The following TRPM7 variants were observed in gnomAD, a reference collection of about 807,000 sequenced individuals.
TRPM7 encodes the protein transient receptor potential cation channel subfamily M member 7, also known as LTRPC ion channel family member 7.
In TRPM7, 134 loss-of-function variants were observed where a neutral mutation model predicts 229.7. The observed-to-expected ratio is 0.58, with a 90% CI of 0.51 to 0.67. The LOEUF (loss-of-function observed/expected upper bound fraction) is 0.67. Ranked by LOEUF, TRPM7 falls within the 30% of genes least tolerant of loss-of-function variation. The probability of loss-of-function intolerance (pLI) is 0.00; values close to 1 mark genes in which losing one functional copy is unlikely to be tolerated. For synonymous variants in TRPM7, 699 were observed against 715.2 expected (o/e 0.98, Z 0.36); for missense variants, 1,901 against 2,210.0 (o/e 0.86, Z 2.80).
intron 1 of TRPM7, among the ~76,000 whole-genome samples, chr15:50,679,514 ATATATAT>A (rs1567129202): frequency 0.095 from 8,501 of 89,474 alleles, 529 homozygotes; most frequent in Admixed American, 0.2. Flanking sequence ...TATATATAAT[ATATATAT>A]ATATATATAT....
chr15:50,651,525 G>A (rs567392258), intron 3 of TRPM7, among the ~76,000 whole-genome samples: 4 of 152,238 alleles, frequency 2.6e-5, no homozygotes, highest in African/African-American at 7.2e-5. Flanking sequence ...TGTTGGGCAC[G>A]GTGGCTCATG....
intron 31 of TRPM7, among the ~76,000 whole-genome samples, chr15:50,576,550 T>C (rs1315629655): frequency 3.9e-5 from 6 of 152,230 alleles, no homozygotes; most frequent in South Asian, 2.1e-4. Flanking sequence ...TGTACGACTA[T>C]ATAGGAGTAC....
intron 16 of TRPM7, among the ~76,000 whole-genome samples, chr15:50,612,272 G>A (rs893834625): frequency 8.9e-4 from 135 of 152,216 alleles, no homozygotes; most frequent in African/African-American, 3.2e-3. Context: ...TAAATTTCAT[G>A]TAGAGACGGG....
intron 3 of TRPM7, among the ~76,000 whole-genome samples, chr15:50,653,240 G>C (rs566966026): frequency 6.6e-6 from 1 of 152,146 alleles, no homozygotes; most frequent in Non-Finnish European, 1.5e-5. Context: ...AGCTTGAGCC[G>C]AGGACTTCAA....
intron 10 of TRPM7, among the ~76,000 whole-genome samples, chr15:50,630,960 G>A (rs921598906): frequency 2.0e-5 from 3 of 151,966 alleles, no homozygotes; most frequent in Admixed American, 1.3e-4. Context: ...AGCCTCCCAA[G>A]TAGCTGGGAC....
rs768611554 is a variant in TRPM7, at chr15:50,560,306, A to C, written c.*1372T>G. 6.6e-6 allele frequency: 1 copy of C among 152,560 alleles called. No individual in the cohort carries two copies. Among genetic ancestry groups the C allele is most frequent in the Non-Finnish European group, 1.5e-5 (1 of 68,020 alleles). The allele number at this position is 152,560 out of a possible 1,614,324, so 9.5% of individuals were successfully genotyped here. ...ACTCACTAAACATCTGTAAACAATA[A>C]ATTTATTTCATTTCTTTTAAAGATT... is the stretch of plus-strand genomic sequence containing the variant. On this transcript the variant is annotated 3_prime_UTR_variant, in exon 39 of 39. Transcript: ENST00000646667.
chr15:50,637,283 T>C, intron 7 of TRPM7, 139 bp downstream of exon 7: 2 of 739,040 alleles, frequency 2.7e-6, no homozygotes, highest in Non-Finnish European at 4.1e-6. Context: ...TTGTCTAAGA[T>C]CAACCACTGT....
At chr15:50,661,844 T>C (rs1051337730) in intron 2 of TRPM7, among the ~76,000 whole-genome samples, 1 of 152,170 alleles carries the variant, frequency 6.6e-6, no homozygotes, top group Admixed American at 6.6e-5. Context: ...TAAGTGCCCA[T>C]GAAGAAAAGT....
intron 3 of TRPM7, among the ~76,000 whole-genome samples, chr15:50,653,259 T>C (rs2061473544): frequency 6.6e-6 from 1 of 152,192 alleles, no homozygotes; most frequent in East Asian, 1.9e-4. Flanking sequence ...AAAACTTGCC[T>C]TGGCAATATA....
rs2062363093 is a variant in TRPM7 at position 50,686,465 on chromosome 15, A to C, written c.3+66T>G. 3 of 1,613,594 alleles carry C rather than the reference A, an allele frequency of 1.9e-6. No individual in the cohort carries two copies. The African/African-American group carries it at 4.0e-5, about 22-fold the overall frequency. ...GCGGCTCCCCACACACTTGCCTGCC[A>C]AGTCTCTCCTTTACCGCCCGCAACC... On this transcript the variant is annotated intron_variant, in intron 1 of 38. Coordinates refer to ENST00000646667, the MANE Select transcript of TRPM7 (RefSeq NM_017672.6).
At chr15:50,658,565 CTG>C (rs2061643912) in intron 2 of TRPM7, among the ~76,000 whole-genome samples, 1 of 145,950 alleles carries the variant, frequency 6.9e-6, no homozygotes, top group African/African-American at 2.6e-5. Flanking sequence ...GAGCGAGAAA[CTG>C]TCTCAAAAAA....
intron 25 of TRPM7, among the ~76,000 whole-genome samples, chr15:50,593,079 A>T (rs970347489): frequency 1.3e-5 from 2 of 152,128 alleles, no homozygotes; most frequent in African/African-American, 4.8e-5. Flanking sequence ...TCACGAGGTC[A>T]GGAGTTCGAG....
At position 50,594,688 on chromosome 15, in the gene TRPM7, T is replaced by C. The variant is rs1315672537; in HGVS notation, c.3291-75A>G. 8 of 1,013,598 alleles carry C rather than the reference T, an allele frequency of 7.9e-6. No individual in the cohort carries two copies. The East Asian group carries it at 8.0e-5, about 10-fold the overall frequency. The allele number at this position is 1,013,598 out of a possible 1,614,324, so 62.8% of individuals were successfully genotyped here. ...AAAGTTTTAAATACTGATGATTTCA[T>C]TGTAATTCTGTACTAAATAATAATT... On this transcript the variant is annotated intron_variant, in intron 23 of 38. Coordinates refer to ENST00000646667, the MANE Select transcript of TRPM7 (RefSeq NM_017672.6).
chr15:50,639,083 G>T (rs184570627), intron 6 of TRPM7, among the ~76,000 whole-genome samples: 1 of 152,220 alleles, frequency 6.6e-6, no homozygotes, highest in East Asian at 1.9e-4. Context: ...CCTAGTCTTA[G>T]TGAGAATAAA....
chr15:50,658,631 G>C (rs946221252), intron 2 of TRPM7, among the ~76,000 whole-genome samples: 1 of 151,636 alleles, frequency 6.6e-6, no homozygotes, highest in African/African-American at 2.4e-5. Flanking sequence ...GTATCTGTGG[G>C]TGAGAGTATA....
intron 6 of TRPM7, among the ~76,000 whole-genome samples, chr15:50,637,963 T>C (rs1312690609): frequency 6.6e-6 from 1 of 152,216 alleles, no homozygotes; most frequent in Non-Finnish European, 1.5e-5. Context: ...ATGCATGTGA[T>C]CCCGTCACTT....
At chr15:50,588,072 C>T (rs188495785) in intron 27 of TRPM7, 98 of 218,316 alleles carry the variant, frequency 4.5e-4, no homozygotes, top group South Asian at 4.0e-3. Context: ...TTAGAAAACA[C>T]TGCAAATTAT....
intron 1 of TRPM7, among the ~76,000 whole-genome samples, chr15:50,683,571 T>C (rs888163269): frequency 3.9e-5 from 6 of 151,964 alleles, no homozygotes; most frequent in African/African-American, 1.4e-4. Flanking sequence ...CTGTCTCTAC[T>C]AAAAATACAA....
intron 33 of TRPM7, 115 bp downstream of exon 33, chr15:50,575,609 G>T (rs1297042235): frequency 1.1e-6 from 1 of 887,196 alleles, no homozygotes. Context: ...GATTAATCAA[G>T]AATTTATTTG....
Sources: gnomAD v4.1 joint callset for allele counts (sites outside exome capture counted in the v4.1 genomes callset) on GRCh38, gnomAD v4.1.1 for gene constraint, MANE v1.5 for transcripts, NCBI Gene and HGNC (gene_info 2026-07-23, HGNC 2026-07-21) for gene names.